The following GOLGA4 variants were observed in gnomAD, a reference collection of about 807,000 sequenced individuals.
The protein encoded by GOLGA4 is golgin subfamily A member 4.
In GOLGA4, 169 loss-of-function variants were observed where a neutral mutation model predicts 265.9. The ratio of observed to expected loss-of-function variants is 0.64; its 90% CI spans 0.56 to 0.72. GOLGA4 has a LOEUF of 0.72. Among genes scored for constraint, GOLGA4 ranks in the 30% least tolerant of loss-of-function variants. The pLI, the probability that GOLGA4 is intolerant of heterozygous loss-of-function variation, is 0.00. For missense variants in GOLGA4, 2,482 were observed against 2,483.4 expected (o/e 1.00, Z 0.01); for synonymous variants, 923 against 855.8 (o/e 1.08, Z -1.37).
intron 16 of GOLGA4, among the ~76,000 whole-genome samples, chr3:37,332,331 A>G (rs976928291): frequency 3.9e-5 from 6 of 152,126 alleles, no homozygotes; most frequent in Non-Finnish European, 5.9e-5. Flanking sequence ...CTAAAAAAAG[A>G]TCGGGGCAGC....
intron 1 of GOLGA4, among the ~76,000 whole-genome samples, chr3:37,245,094 T>C (rs937446325): frequency 1.8e-4 from 28 of 152,354 alleles, no homozygotes; most frequent in African/African-American, 6.5e-4. Context: ...TTTAATAGGT[T>C]AAAAACTAGC....
intron 2 of GOLGA4, among the ~76,000 whole-genome samples, chr3:37,258,019 ATG>A (rs1393886856): frequency 1.2e-5 from 1 of 81,816 alleles, no homozygotes; most frequent in Non-Finnish European, 2.3e-5. Flanking sequence ...ACATATATAT[ATG>A]TATGTATATA....
chr3:37,298,619 G>A lies in GOLGA4; in HGVS notation c.815-214G>A, dbSNP rs556931487. Among the ~76,000 whole-genome samples the A allele has an allele frequency of 3.3e-5, 5 of 152,300 alleles. No homozygotes were observed. The South Asian group carries it at 6.2e-4, about 19-fold the overall frequency. On this transcript the variant is annotated intron_variant, in intron 7 of 23. Coordinates refer to ENST00000361924, the MANE Select transcript of GOLGA4 (RefSeq NM_002078.5). ...AAGAAGGGGGTTTGTTTGGGAAATG[G>A]CTTTTATTGTCTTTGTTTTAGACTA...
At chr3:37,332,972 G>A (rs960374741) in intron 16 of GOLGA4, among the ~76,000 whole-genome samples, 1 of 152,098 alleles carries the variant, frequency 6.6e-6, no homozygotes, top group East Asian at 1.9e-4. Context: ...TAATGAATCT[G>A]TCCTCTCCCT....
At chr3:37,275,819 T>A (rs1378067655) in intron 2 of GOLGA4, 25 of 1,613,566 alleles carry the variant, frequency 1.5e-5, no homozygotes, top group Non-Finnish European at 1.8e-5. Context: ...ATTACTGCAG[T>A]CCACAAGAAT....
At chr3:37,299,491 A>G in intron 9 of GOLGA4, 120 bp downstream of exon 9, 1 of 629,038 alleles carries the variant, frequency 1.6e-6, no homozygotes, top group East Asian at 2.8e-5. Flanking sequence ...AGCTTTTTCC[A>G]TGAAAAATCT....
intron 21 of GOLGA4, 33 bp downstream of exon 21, chr3:37,347,329 C>T (rs1414730170): frequency 8.2e-7 from 1 of 1,218,078 alleles, no homozygotes; most frequent in East Asian, 2.3e-5. Context: ...TGGTGTGTGG[C>T]TTAATTTTAA....
Position 37,366,380 on chromosome 3 carries a change from A to G in GOLGA4, c.*334A>G, listed in dbSNP as rs947692745. The G allele has an allele frequency of 3.3e-5, 12 of 358,706 alleles. No homozygotes were observed. Among genetic ancestry groups the G allele is most frequent in the African/African-American group, 1.9e-4 (9 of 47,768 alleles). The allele number at this position is 358,706 out of a possible 1,614,324, so 22.2% of individuals were successfully genotyped here. A position where few individuals can be genotyped will look rare whatever the true frequency, so the allele number is the denominator to read the frequency against. On this transcript the variant is annotated 3_prime_UTR_variant, in exon 24 of 24. Transcript: ENST00000361924. ...GGCTTACATAATATTCCTTTCATCC[A>G]TTCTTTTTAAAGAACGGCTTACCTT...
At position 37,354,125 on chromosome 3, in the gene GOLGA4, T is replaced by C. The variant is rs376859107; in HGVS notation, c.6577-976T>C. Among the ~76,000 whole-genome samples the C allele has an allele frequency of 1.7e-3, 260 of 152,186 alleles. 4 individuals are homozygous for C. The highest frequency in any genetic ancestry group is 5.7e-3 in the African/African-American group (237 of 41,542). The stretch of plus-strand genomic sequence containing the variant: ...CCTGGAAATAATTGTGATACTTTTT[T>C]TCCTAATGACGTGAGTCTCCAAAAT... On this transcript the variant is annotated intron_variant, in intron 21 of 23. Coordinates refer to ENST00000361924, the MANE Select transcript of GOLGA4 (RefSeq NM_002078.5).
rs1162765633 is a variant in GOLGA4 at position 37,276,047 on chromosome 3, G to A, written c.163-5911G>A. On this transcript the variant is annotated intron_variant, in intron 2 of 23. Coordinates refer to ENST00000361924, the MANE Select transcript of GOLGA4 (RefSeq NM_002078.5). The stretch of plus-strand genomic sequence containing the variant: ...CGGCAATGTAAGCAACAGAAAGGAT[G>A]AGACAAATGCTCGAGATACTTATGT... The A allele has an allele frequency of 3.1e-6, 5 of 1,612,648 alleles. No homozygotes were observed. In the African/African-American group the frequency reaches 6.7e-5, roughly 22 times the overall value.
At chr3:37,339,946 T>C (rs76395318) in intron 19 of GOLGA4, among the ~76,000 whole-genome samples, 178 bp from the exon 20 acceptor site, 154 of 152,294 alleles carry the variant, frequency 1.0e-3, no homozygotes, top group African/African-American at 3.1e-3. Context: ...CTAAGAAATC[T>C]TTAGTTTTAG....
chr3:37,361,177 C>T, intron 22 of GOLGA4, 66 bp from the exon 23 acceptor site: 2 of 1,150,586 alleles, frequency 1.7e-6, no homozygotes, highest in Non-Finnish European at 2.6e-6. Flanking sequence ...TATACACATA[C>T]AATCTATGTG....
intron 2 of GOLGA4, among the ~76,000 whole-genome samples, chr3:37,277,162 G>T (rs1423814440): frequency 6.6e-6 from 1 of 152,074 alleles, no homozygotes; most frequent in Non-Finnish European, 1.5e-5. Flanking sequence ...TGGAATATTA[G>T]ATATTATTTT....
At chr3:37,274,935 C>T (rs1167822370) in intron 2 of GOLGA4, among the ~76,000 whole-genome samples, 5 of 151,006 alleles carry the variant, frequency 3.3e-5, no homozygotes, top group African/African-American at 9.7e-5. Context: ...TGTTTAGGGC[C>T]GGGTGCGGTG....
chr3:37,280,821 A>G (rs956030597), intron 2 of GOLGA4, among the ~76,000 whole-genome samples: 6 of 152,146 alleles, frequency 3.9e-5, no homozygotes, highest in African/African-American at 1.4e-4. Flanking sequence ...TACTCTTTTA[A>G]ACCACCTGTG....
rs75216280 is a variant in GOLGA4, at chr3:37,327,320, G to A, written c.5434G>A (p.Val1812Ile). ...EEKNKKYSLI[V>I]AQHVEKEGGK... is the part of the protein sequence containing the mutation. ...AAAAAACAAGAAATATTCCTTGATA[G>A]TAGCCCAGCATGTGGAAAAAGAAGG... The change falls in exon 14 of 24, where the codon GTA becomes ATA. Residue 1812 changes from valine (V) to isoleucine (I), a missense_variant. Coordinates refer to ENST00000361924, the MANE Select transcript of GOLGA4 (RefSeq NM_002078.5). The A allele has an allele frequency of 6.5e-4, 1,054 of 1,613,850 alleles. 15 individuals are homozygous for A. The East Asian group carries it at 0.021, about 32-fold the overall frequency.
intron 1 of GOLGA4, among the ~76,000 whole-genome samples, chr3:37,244,430 ATTAAT>A (rs1367034069): frequency 2.0e-5 from 3 of 152,210 alleles, no homozygotes; most frequent in Non-Finnish European, 4.4e-5. Flanking sequence ...GTTAAGTAGT[ATTAAT>A]TTAAAGAAAC....
intron 2 of GOLGA4, chr3:37,273,613 A>G: frequency 1.4e-6 from 2 of 1,384,458 alleles, no homozygotes; most frequent in Non-Finnish European, 9.9e-7. Context: ...TCTGTTACTA[A>G]TTGTTATTTT....
At chr3:37,310,570 C>T (rs1195227522) in intron 10 of GOLGA4, among the ~76,000 whole-genome samples, 1 of 152,080 alleles carries the variant, frequency 6.6e-6, no homozygotes, top group Non-Finnish European at 1.5e-5. Context: ...GAGCATTTGT[C>T]CATTTTTATA....
Sources: allele counts gnomAD v4.1 joint callset (sites outside exome capture counted in the v4.1 genomes callset), GRCh38; gene constraint gnomAD v4.1.1; transcripts MANE v1.5; gene names NCBI Gene and HGNC (gene_info 2026-07-23, HGNC 2026-07-21).